Variants in HMGCLL1 observed in about 807,000 individuals in gnomAD.
HMGCLL1 encodes 3-hydroxy-3-methylglutaryl-CoA lyase like 1.
In HMGCLL1, 36 loss-of-function variants were observed where a neutral mutation model predicts 39.1. The ratio of observed to expected loss-of-function variants is 0.92; its 90% CI spans 0.71 to 1.22. HMGCLL1 has a LOEUF of 1.22. Ranked by LOEUF, HMGCLL1 falls within the 50% of genes most tolerant of loss-of-function variation. The pLI, the probability that HMGCLL1 is intolerant of heterozygous loss-of-function variation, is 0.00. For synonymous variants in HMGCLL1, 149 were observed against 144.0 expected (o/e 1.03, Z -0.25); for missense variants, 451 against 416.5 (o/e 1.08, Z -0.72).
At chr6:55,526,198 C>G (rs1161764095) in intron 3 of HMGCLL1, among the ~76,000 whole-genome samples, 1 of 151,966 alleles carries the variant, frequency 6.6e-6, no homozygotes, top group East Asian at 1.9e-4. Context: ...TCCCAGCTTG[C>G]CTTTGATGAT....
At chr6:55,482,036 C>G (rs190730644) in intron 7 of HMGCLL1, among the ~76,000 whole-genome samples, 1 of 152,086 alleles carries the variant, frequency 6.6e-6, no homozygotes, top group Non-Finnish European at 1.5e-5. Flanking sequence ...TTTATTTCCA[C>G]TTCTTCATAA....
chr6:55,623,551 T>C, the HMGCLL1 span, among the ~76,000 whole-genome samples: 1 of 151,636 alleles, frequency 6.6e-6, no homozygotes, highest in Admixed American at 6.6e-5. Context: ...TTTATATACA[T>C]ACACATATAT....
At chr6:55,497,577 C>A (rs1290997529) in intron 6 of HMGCLL1, among the ~76,000 whole-genome samples, 1 of 152,044 alleles carries the variant, frequency 6.6e-6, no homozygotes, top group African/African-American at 2.4e-5. Context: ...TTAGTCAACC[C>A]TACTGAGGAA....
intron 7 of HMGCLL1, among the ~76,000 whole-genome samples, chr6:55,488,515 T>G (rs574539101): frequency 2.0e-5 from 3 of 152,114 alleles, no homozygotes; most frequent in East Asian, 3.9e-4. Context: ...CCAATAAACC[T>G]TTTTTTGGTT....
intron 5 of HMGCLL1, among the ~76,000 whole-genome samples, chr6:55,500,573 T>C (rs1766826955): frequency 6.6e-6 from 1 of 151,906 alleles, no homozygotes; most frequent in Non-Finnish European, 1.5e-5. Flanking sequence ...TAGTATTAAA[T>C]AGTTTTATAA....
chr6:55,617,373 G>A, the HMGCLL1 span, among the ~76,000 whole-genome samples: 1 of 152,108 alleles, frequency 6.6e-6, no homozygotes, highest in East Asian at 1.9e-4. Context: ...TGGACAAAGT[G>A]AAGCATATGC....
At chr6:55,489,517 T>C (rs1054231362) in intron 7 of HMGCLL1, among the ~76,000 whole-genome samples, 1 of 151,976 alleles carries the variant, frequency 6.6e-6, no homozygotes, top group Non-Finnish European at 1.5e-5. Flanking sequence ...ATAGTATTAA[T>C]AGATAAGGCT....
chr6:55,639,071 T>C, the HMGCLL1 span, among the ~76,000 whole-genome samples: 1 of 152,132 alleles, frequency 6.6e-6, no homozygotes, highest in Non-Finnish European at 1.5e-5. Flanking sequence ...TTAGTAATAA[T>C]TGTTTAAACT....
At chr6:55,534,181 TTATC>T (rs1194270788) in intron 3 of HMGCLL1, among the ~76,000 whole-genome samples, 7 of 152,152 alleles carry the variant, frequency 4.6e-5, no homozygotes, top group Admixed American at 3.9e-4. Flanking sequence ...AGTTTTTTGT[TTATC>T]TATCAACTGT....
At chr6:55,447,064 C>T (rs1281857371) in intron 7 of HMGCLL1, among the ~76,000 whole-genome samples, 3 of 151,774 alleles carry the variant, frequency 2.0e-5, no homozygotes, top group Non-Finnish European at 4.4e-5. Context: ...TTATTCTCAA[C>T]TTGTTTCTCA....
intron 7 of HMGCLL1, among the ~76,000 whole-genome samples, chr6:55,453,005 GA>G (rs1299252360): frequency 1.3e-5 from 2 of 152,274 alleles, no homozygotes; most frequent in Non-Finnish European, 2.9e-5. Context: ...GAGGGATAGT[GA>G]AAATGTTGTT....
chr6:55,456,005 G>A (rs1342227882), intron 7 of HMGCLL1, among the ~76,000 whole-genome samples: 3 of 152,160 alleles, frequency 2.0e-5, no homozygotes, highest in Non-Finnish European at 4.4e-5. Flanking sequence ...ACATTATTGT[G>A]ATAGGTTCAT....
chr6:55,650,122 T>TATACACACACATATAC, the HMGCLL1 span, among the ~76,000 whole-genome samples: 1 of 78,656 alleles, frequency 1.3e-5, no homozygotes, highest in Non-Finnish European at 2.3e-5. Flanking sequence ...TATATATATA[T>TATACACACACATATAC]ATATATATAT....
At chr6:55,570,019 A>G (rs969580408) in intron 1 of HMGCLL1, among the ~76,000 whole-genome samples, 2 of 152,112 alleles carry the variant, frequency 1.3e-5, no homozygotes, top group African/African-American at 4.8e-5. Flanking sequence ...AATGCAATAA[A>G]CCCAGGACTT....
chr6:55,513,346 C>T (rs1037720248), intron 5 of HMGCLL1: 4 of 152,038 alleles, frequency 2.6e-5, no homozygotes, highest in Non-Finnish European at 5.9e-5. Flanking sequence ...GATAAGTTTC[C>T]ACAAGAAAAA....
At chr6:55,469,551 AAAG>A (rs992864258) in intron 7 of HMGCLL1, among the ~76,000 whole-genome samples, 2 of 151,072 alleles carry the variant, frequency 1.3e-5, no homozygotes, top group African/African-American at 4.9e-5. Flanking sequence ...AGGAGGGAGA[AAAG>A]AAGGGAAGGA....
chr6:55,440,360 G>C (rs1332225812), intron 7 of HMGCLL1, among the ~76,000 whole-genome samples: 1 of 151,458 alleles, frequency 6.6e-6, no homozygotes, highest in Non-Finnish European at 1.5e-5. Flanking sequence ...GAAATCTTCT[G>C]TCTCCAGGGA....
the HMGCLL1 span, among the ~76,000 whole-genome samples, chr6:55,647,773 T>TTTTTTTTTTTTTTTTA: frequency 7.4e-6 from 1 of 135,536 alleles, no homozygotes; most frequent in African/African-American, 2.9e-5. Context: ...TATTTTATTT[T>TTTTTTTTTTTTTTTTA]TTTTTTTTAT....
the HMGCLL1 span, among the ~76,000 whole-genome samples, chr6:55,651,477 T>G: frequency 6.6e-6 from 1 of 152,100 alleles, no homozygotes; most frequent in Admixed American, 6.6e-5. Flanking sequence ...AAGTCCTCTT[T>G]ATTCTTCATT....
Sources: allele counts gnomAD v4.1 joint callset (sites outside exome capture counted in the v4.1 genomes callset), GRCh38; gene constraint gnomAD v4.1.1; transcripts MANE v1.5; gene names NCBI Gene and HGNC (gene_info 2026-07-23, HGNC 2026-07-21).